The following PPP2R1B variants were observed in gnomAD, a reference collection of about 807,000 sequenced individuals.
PPP2R1B encodes protein phosphatase 2 scaffold subunit Abeta.
In PPP2R1B, 58 loss-of-function variants were observed where a neutral mutation model predicts 72.7. The observed-to-expected ratio is 0.80, with a 90% CI of 0.65 to 0.99. The LOEUF (loss-of-function observed/expected upper bound fraction) is 0.99, where lower values mean the gene tolerates loss of function less well. Ranked by LOEUF, PPP2R1B falls within the 50% of genes least tolerant of loss-of-function variation. PPP2R1B has a pLI of 0.00. For missense variants in PPP2R1B, 695 were observed against 733.6 expected (o/e 0.95, Z 0.61); for synonymous variants, 256 against 264.6 (o/e 0.97, Z 0.32).
chr11:111,713,162 C>T, the PPP2R1B span, among the ~76,000 whole-genome samples: 1 of 150,718 alleles, frequency 6.6e-6, no homozygotes, highest in East Asian at 2.0e-4. Context: ...GAGACTCCAT[C>T]TCAAAAAATT....
intron 11 of PPP2R1B, 81 bp from the exon 12 acceptor site, chr11:111,743,611 A>G (rs1288471236): frequency 6.6e-7 from 1 of 1,506,620 alleles, no homozygotes; most frequent in Non-Finnish European, 8.9e-7. Flanking sequence ...TGAAAATCAA[A>G]TGTGGACCAA....
At chr11:111,723,626 C>T (rs765575944), downstream of PPP2R1B, 38 of 1,613,662 alleles carry the variant, frequency 2.4e-5, no homozygotes, top group Admixed American at 5.8e-4. Flanking sequence ...GGAGACTCCA[C>T]CGCCTTCTCA....
intron 10 of PPP2R1B, among the ~76,000 whole-genome samples, chr11:111,748,393 G>T (rs1403253271): frequency 6.6e-6 from 1 of 152,220 alleles, no homozygotes; most frequent in Non-Finnish European, 1.5e-5. Flanking sequence ...ATTCTCAATC[G>T]TCTTCCCTTT....
chr11:111,760,773 C>T, intron 4 of PPP2R1B, 46 bp downstream of exon 4: 1 of 1,529,608 alleles, frequency 6.5e-7, no homozygotes, highest in Non-Finnish European at 9.0e-7. Flanking sequence ...TCATAGCTTA[C>T]TACCTGATTT....
intron 15 of PPP2R1B, chr11:111,727,238 A>C: frequency 1.6e-6 from 1 of 618,156 alleles, no homozygotes; most frequent in East Asian, 2.7e-5. Context: ...TGCGTGGGAG[A>C]GCATCAGGGC....
the PPP2R1B span, chr11:111,721,034 T>C: frequency 6.2e-7 from 1 of 1,613,764 alleles, no homozygotes; most frequent in Non-Finnish European, 8.5e-7. Flanking sequence ...GCTCCTCAGC[T>C]CCAGGACCTT....
chr11:111,759,970 A>T lies in PPP2R1B; in HGVS notation c.540-19T>A. 1 of 1,610,742 alleles carries T rather than the reference A, an allele frequency of 6.2e-7. No homozygotes were observed. The highest frequency in any genetic ancestry group is 8.5e-7 in the Non-Finnish European group (1 of 1,177,676). On this transcript the variant is annotated intron_variant, in intron 4 of 14. Transcript: ENST00000527614. Reference sequence around the variant, plus strand: ...GAATTGCCTGCAACATAAAACAATGAAGGTATTTCCCATCAAATAACACTG... The same window carrying T: ...GAATTGCCTGCAACATAAAACAATGTAGGTATTTCCCATCAAATAACACTG...
At chr11:111,764,514 C>T (rs571262464) in intron 3 of PPP2R1B, among the ~76,000 whole-genome samples, 1 of 152,104 alleles carries the variant, frequency 6.6e-6, no homozygotes, top group African/African-American at 2.4e-5. Context: ...AAAACTTCCA[C>T]CATCGCGCGG....
chr11:111,765,965 G>A (rs1555052950), intron 1 of PPP2R1B: 2 of 563,472 alleles, frequency 3.5e-6, no homozygotes, highest in Non-Finnish European at 3.4e-6. Flanking sequence ...CCCGGATGGG[G>A]CGCCCAGGCG....
At chr11:111,701,313 T>C in the PPP2R1B span, 1 of 1,224,360 alleles carries the variant, frequency 8.2e-7, no homozygotes, top group Non-Finnish European at 1.1e-6. The surrounding 1 kb of genome is among the most constrained non-coding windows in gnomAD (Gnocchi z 4.2). Context: ...TTTGGATTTT[T>C]TTCAAATTCT....
At chr11:111,720,580 C>A in the PPP2R1B span, 1 of 1,614,016 alleles carries the variant, frequency 6.2e-7, no homozygotes. Context: ...GAAGACAACC[C>A]TTCCCTTAAG....
At chr11:111,726,968 G>A (rs1360033451) in exon 16 of PPP2R1B, 1 of 1,613,452 alleles carries the variant, frequency 6.2e-7, no homozygotes, top group African/African-American at 1.3e-5. Flanking sequence ...TGGGGTATTA[G>A]TCTGTGCTTT....
At chr11:111,707,261 G>A in the PPP2R1B span, among the ~76,000 whole-genome samples, 1 of 152,210 alleles carries the variant, frequency 6.6e-6, no homozygotes, top group Admixed American at 6.5e-5. Flanking sequence ...GTGAGGGAGT[G>A]GTGAGGGGTT....
At chr11:111,735,144 G>A (rs565283936), downstream of PPP2R1B, 29 of 152,712 alleles carry the variant, frequency 1.9e-4, no homozygotes, top group East Asian at 3.5e-3. Flanking sequence ...GGGACGTGGC[G>A]CAGGGGCTGG....
intron 3 of PPP2R1B, 28 bp from the exon 4 acceptor site, chr11:111,761,079 G>A (rs1945307927): frequency 1.9e-6 from 3 of 1,574,238 alleles, no homozygotes; most frequent in Non-Finnish European, 1.7e-6. Context: ...GAAAACCAGA[G>A]AAGAAAACTT....
At chr11:111,762,649 C>T (rs1399555650) in intron 3 of PPP2R1B, among the ~76,000 whole-genome samples, 3 of 151,086 alleles carry the variant, frequency 2.0e-5, no homozygotes, top group East Asian at 1.9e-4. Context: ...TCAGACTCCT[C>T]GTCCTTCTGC....
chr11:111,724,258 TGGAA>T (rs1023089056), downstream of PPP2R1B: 17 of 1,317,452 alleles, frequency 1.3e-5, no homozygotes, highest in African/African-American at 1.8e-4. Flanking sequence ...GCCACCCAAC[TGGAA>T]TCAGAGGGTC....
intron 7 of PPP2R1B, 46 bp downstream of exon 7, chr11:111,754,934 A>G (rs1945045301): frequency 1.3e-6 from 2 of 1,492,928 alleles, no homozygotes; most frequent in South Asian, 1.2e-5. Flanking sequence ...AAAAAAATGC[A>G]CCAAAATGAA....
chr11:111,751,678 G>T (rs1453629710), intron 10 of PPP2R1B, among the ~76,000 whole-genome samples: 1 of 152,164 alleles, frequency 6.6e-6, no homozygotes, highest in East Asian at 1.9e-4. Flanking sequence ...CTTTTTGTTA[G>T]AAATGTATGC....
Sources: allele counts gnomAD v4.1 joint callset (sites outside exome capture counted in the v4.1 genomes callset), GRCh38; gene constraint gnomAD v4.1.1; non-coding constraint Gnocchi (gnomAD v3.1); transcripts MANE v1.5; gene names NCBI Gene and HGNC (gene_info 2026-07-23, HGNC 2026-07-21).